The following GRAMD4 variants were observed in gnomAD, a reference collection of about 807,000 sequenced individuals.
GRAMD4 encodes GRAM domain containing 4.
A neutral mutation model predicts 83.9 loss-of-function variants in GRAMD4; 25 were observed. That is an observed-to-expected ratio of 0.30 (90% CI 0.22 to 0.42). The LOEUF (loss-of-function observed/expected upper bound fraction) is 0.42. Among genes scored for constraint, GRAMD4 ranks in the 10% least tolerant of loss-of-function variants. GRAMD4 has a pLI of 1.00. For missense variants in GRAMD4, 593 were observed against 788.7 expected, an observed-to-expected ratio of 0.75 and a Z score of 2.97; for synonymous variants, 336 against 320.9, an observed-to-expected ratio of 1.05 and a Z score of -0.50.
upstream of GRAMD4, among the ~76,000 whole-genome samples, chr22:46,617,470 TGTAGGTTCCCCTGTGC>T (rs1223568393): frequency 2.0e-5 from 3 of 151,654 alleles, no homozygotes; most frequent in Non-Finnish European, 4.4e-5. Context: ...TTCCCCTGTG[TGTAGGTTCCCCTGTGC>T]GTGTAGGTTT....
chr22:46,655,444 T>C (rs1314737121), intron 3 of GRAMD4, among the ~76,000 whole-genome samples: 2 of 152,006 alleles, frequency 1.3e-5, no homozygotes, highest in African/African-American at 4.8e-5. Context: ...GGAGGCCGGT[T>C]AAGAACATGG....
At chr22:46,655,359 C>A (rs2082228068) in intron 3 of GRAMD4, among the ~76,000 whole-genome samples, 1 of 152,146 alleles carries the variant, frequency 6.6e-6, no homozygotes, top group South Asian at 2.1e-4. Context: ...GGGAAAGCAA[C>A]AAGTTCTGGC....
At chr22:46,628,525 CGTGGTGTCTG>C (rs2081710245) in intron 2 of GRAMD4, among the ~76,000 whole-genome samples, 1 of 53,104 alleles carries the variant, frequency 1.9e-5, no homozygotes, top group Admixed American at 2.8e-4. Context: ...TGAGTGTGTG[CGTGGTGTCTG>C]AGGGGCAGGT....
intron 1 of GRAMD4, among the ~76,000 whole-genome samples, chr22:46,597,931 T>C (rs2081278193): frequency 6.6e-6 from 1 of 152,180 alleles, no homozygotes; most frequent in East Asian, 1.9e-4. Context: ...TTTAGAGCAC[T>C]GTACAAGGTG....
intron 1 of GRAMD4, among the ~76,000 whole-genome samples, chr22:46,606,884 A>C (rs1383600272): frequency 1.3e-5 from 2 of 152,268 alleles, no homozygotes; most frequent in Non-Finnish European, 2.9e-5. Flanking sequence ...GATTATACCC[A>C]GAAATGGGAT....
Position 46,674,752 on chromosome 22 carries a change from T to A in GRAMD4, c.1478+2T>A. ...CGGGGTGCTCTACGTCACGGAGAAGTGAGTGCAGCCGTGGGGCCCTGTGTG... is the reference window on the plus strand; with the variant it reads ...CGGGGTGCTCTACGTCACGGAGAAGAGAGTGCAGCCGTGGGGCCCTGTGTG... On this transcript the variant is annotated splice_donor_variant, in intron 16 of 18. Transcript: ENST00000406902. LOFTEE classifies it high-confidence loss of function. 1.3e-6 allele frequency: 2 copies of A among 1,599,322 alleles called. No individual in the cohort carries two copies. Among genetic ancestry groups the A allele is most frequent in the Non-Finnish European group, 1.7e-6 (2 of 1,167,750 alleles).
chr22:46,599,324 G>T (rs115401513), intron 1 of GRAMD4, among the ~76,000 whole-genome samples: 10,274 of 146,950 alleles, frequency 0.07, 443 homozygotes, highest in African/African-American at 0.12. Flanking sequence ...ATACTAAGTT[G>T]TTTTTTTTTT....
intron 4 of GRAMD4, among the ~76,000 whole-genome samples, chr22:46,660,987 C>A (rs1245932621): frequency 6.6e-6 from 1 of 152,200 alleles, no homozygotes; most frequent in Non-Finnish European, 1.5e-5. Flanking sequence ...AGGCTGCTGA[C>A]AGGTGGCACC....
At chr22:46,628,438 CGGGTGG>C in intron 2 of GRAMD4, among the ~76,000 whole-genome samples, 2 of 139,864 alleles carry the variant, frequency 1.4e-5, no homozygotes, top group African/African-American at 5.4e-5. Flanking sequence ...GTCTGAGGGG[CGGGTGG>C]ACTGAGTGTG....
intron 2 of GRAMD4, among the ~76,000 whole-genome samples, chr22:46,629,606 A>G (rs1459719442): frequency 6.6e-6 from 1 of 152,198 alleles, no homozygotes; most frequent in Non-Finnish European, 1.5e-5. Flanking sequence ...ACCTGGGCTC[A>G]GGCACAGAGG....
At chr22:46,641,655 C>A (rs1000392752) in intron 3 of GRAMD4, among the ~76,000 whole-genome samples, 1 of 152,126 alleles carries the variant, frequency 6.6e-6, no homozygotes, top group Non-Finnish European at 1.5e-5. Flanking sequence ...GCTTCCTGGT[C>A]GTGGCGGGGT....
chr22:46,609,347 G>GTA (rs2081396038), intron 1 of GRAMD4, among the ~76,000 whole-genome samples: 1 of 152,228 alleles, frequency 6.6e-6, no homozygotes, highest in Non-Finnish European at 1.5e-5. Flanking sequence ...GGGTAGCCCT[G>GTA]TGTTGGGCTT....
chr22:46,588,075 CTGG>C, intron 1 of GRAMD4: 1 of 468,200 alleles, frequency 2.1e-6, no homozygotes, highest in Non-Finnish European at 2.8e-6. Context: ...AGCCCCAGCC[CTGG>C]TGGAGCCCCA....
chr22:46,636,194 CTT>C (rs915161141), intron 2 of GRAMD4, among the ~76,000 whole-genome samples: 11 of 152,202 alleles, frequency 7.2e-5, no homozygotes, highest in East Asian at 1.9e-4. Context: ...CCTTGAGACT[CTT>C]TTGGAGCTTC....
chr22:46,642,183 G>C (rs1156428270), intron 3 of GRAMD4, among the ~76,000 whole-genome samples: 2 of 152,156 alleles, frequency 1.3e-5, no homozygotes, highest in Admixed American at 1.3e-4. Flanking sequence ...CTTGCCTTTC[G>C]GTGTGACCAG....
downstream of GRAMD4, among the ~76,000 whole-genome samples, chr22:46,680,577 TCC>T (rs2082656888): frequency 6.6e-5 from 1 of 15,256 alleles, no homozygotes; most frequent in Non-Finnish European, 1.5e-4. Context: ...CATCCATCCA[TCC>T]ATCCATCCAT....
chr22:46,651,500 C>T (rs545995323), intron 3 of GRAMD4, among the ~76,000 whole-genome samples: 6 of 152,300 alleles, frequency 3.9e-5, no homozygotes, highest in Non-Finnish European at 7.3e-5. Flanking sequence ...ACTTGGCCCC[C>T]GGCAGGTGTG....
chr22:46,610,354 A>G (rs1417209081), intron 1 of GRAMD4, among the ~76,000 whole-genome samples: 1 of 152,226 alleles, frequency 6.6e-6, no homozygotes, highest in East Asian at 1.9e-4. Flanking sequence ...GACCCCGGAC[A>G]GGGACGGTCA....
intron 3 of GRAMD4, among the ~76,000 whole-genome samples, chr22:46,650,362 TCGAGGCTGGGTGGAGGG>T (rs1406620625): frequency 3.9e-5 from 5 of 127,906 alleles, no homozygotes; most frequent in Non-Finnish European, 8.4e-5. Context: ...GGGCTGCGTG[TCGAGGCTGGGTGGAGGG>T]CTGGGCGTCG....
Sources: allele counts gnomAD v4.1 joint callset (sites outside exome capture counted in the v4.1 genomes callset), GRCh38; gene constraint gnomAD v4.1.1; transcripts MANE v1.5; gene names NCBI Gene and HGNC (gene_info 2026-07-23, HGNC 2026-07-21).